LRFN2: variants seen among roughly 807,000 people sequenced by gnomAD.
LRFN2 encodes the protein leucine rich repeat and fibronectin type III domain containing 2.
Under a neutral mutation model 37.3 loss-of-function variants are expected in LRFN2, and 18 were observed. That is an observed-to-expected ratio of 0.48 (90% CI 0.33 to 0.72). The LOEUF is 0.72. Ranked by LOEUF, LRFN2 falls within the 30% of genes least tolerant of loss-of-function variation. The pLI is 0.02. For synonymous variants in LRFN2, 556 were observed against 466.6 expected (o/e 1.19, Z -2.47); for missense variants, 1,006 against 1,060.7 (o/e 0.95, Z 0.72).
chr6:40,476,312 C>G (rs1179393858), intron 1 of LRFN2, among the ~76,000 whole-genome samples: 2 of 152,204 alleles, frequency 1.3e-5, no homozygotes, highest in Non-Finnish European at 2.9e-5. Flanking sequence ...CTCCAAGAAA[C>G]TTTCTTTGAT....
intron 1 of LRFN2, among the ~76,000 whole-genome samples, chr6:40,535,544 G>C (rs1407373768): frequency 1.3e-5 from 2 of 152,146 alleles, no homozygotes; most frequent in Non-Finnish European, 2.9e-5. Context: ...AAATGGCTTT[G>C]ACATGACCCC....
intron 1 of LRFN2, among the ~76,000 whole-genome samples, chr6:40,563,420 G>A (rs1207722951): frequency 2.0e-5 from 3 of 152,132 alleles, no homozygotes; most frequent in African/African-American, 4.8e-5. Context: ...AAAGGCACAG[G>A]GAGCAGCAGC....
intron 1 of LRFN2, among the ~76,000 whole-genome samples, chr6:40,440,087 T>C (rs1210561548): frequency 1.3e-5 from 2 of 150,508 alleles, no homozygotes; most frequent in Non-Finnish European, 3.0e-5. Flanking sequence ...AACTTCTTCA[T>C]AAACCCGATA....
chr6:40,481,483 C>G (rs1355494932), intron 1 of LRFN2, among the ~76,000 whole-genome samples: 1 of 148,362 alleles, frequency 6.7e-6, no homozygotes, highest in Non-Finnish European at 1.5e-5. Context: ...AAAAAGAAAA[C>G]CATTTACTGA....
At chr6:40,403,181 C>G (rs960421383) in intron 2 of LRFN2, among the ~76,000 whole-genome samples, 1 of 152,190 alleles carries the variant, frequency 6.6e-6, no homozygotes, top group South Asian at 2.1e-4. Flanking sequence ...GAGCCGGTGT[C>G]TCATACTTGC....
At position 40,519,221 on chromosome 6, in the gene LRFN2, G is replaced by C. The variant is rs147457746; in HGVS notation, c.-19+67720C>G. The stretch of plus-strand genomic sequence containing the variant: ...GTAATCAATACAATATGTGCTGAGG[G>C]AGTGAATGAATGATTCTAAATCTCA... On this transcript the variant is annotated intron_variant, in intron 1 of 2. Transcript: ENST00000338305. 3.4e-3 allele frequency among the ~76,000 whole-genome samples: 519 copies of C among 152,312 alleles called. 3 individuals carry two copies. Among genetic ancestry groups the C allele is most frequent in the Middle Eastern group, 0.01 (3 of 294 alleles).
At chr6:40,489,467 A>T (rs1445557244) in intron 1 of LRFN2, among the ~76,000 whole-genome samples, 5 of 152,150 alleles carry the variant, frequency 3.3e-5, no homozygotes, top group Admixed American at 3.3e-4. Flanking sequence ...GCTCTCCTCA[A>T]CCCACCTCAG....
chr6:40,524,286 G>C lies in LRFN2; in HGVS notation c.-19+62655C>G, dbSNP rs191057244. ...TTCAGTTATCCCCCTGCCTCTAACA[G>C]GTGTCCCATAACCAGGACAGATCAC... is the stretch of plus-strand genomic sequence containing the variant. On this transcript the variant is annotated intron_variant, in intron 1 of 2. Transcript: ENST00000338305. 2.7e-3 allele frequency among the ~76,000 whole-genome samples: 406 copies of C among 152,246 alleles called. 1 individual carries two copies. Among genetic ancestry groups the C allele is most frequent in the Non-Finnish European group, 2.7e-3 (185 of 68,026 alleles).
intron 1 of LRFN2, among the ~76,000 whole-genome samples, chr6:40,533,408 C>CAT (rs1441686590): frequency 1.3e-5 from 2 of 151,058 alleles, no homozygotes; most frequent in Non-Finnish European, 3.0e-5. Flanking sequence ...CACACACACA[C>CAT]ACACACTTGA....
At chr6:40,421,493 T>C (rs1209555226) in intron 2 of LRFN2, among the ~76,000 whole-genome samples, 1 of 152,162 alleles carries the variant, frequency 6.6e-6, no homozygotes, top group Non-Finnish European at 1.5e-5. Context: ...GATGTTCTGA[T>C]TGGCAATTGG....
intron 1 of LRFN2, among the ~76,000 whole-genome samples, chr6:40,509,747 A>C (rs1003967731): frequency 7.2e-6 from 1 of 139,482 alleles, no homozygotes. Context: ...GCATGCATGC[A>C]GGTATGCCAG....
intron 2 of LRFN2, among the ~76,000 whole-genome samples, chr6:40,409,322 G>A (rs985581): frequency 0.33 from 50,603 of 152,044 alleles, 9,240 homozygotes; most frequent in South Asian, 0.61. Context: ...TTTACTGACT[G>A]TGCCATGCCT....
intron 1 of LRFN2, among the ~76,000 whole-genome samples, chr6:40,469,992 C>T (rs1216168588): frequency 6.6e-6 from 1 of 152,220 alleles, no homozygotes; most frequent in Non-Finnish European, 1.5e-5. Context: ...GAGGGACAGA[C>T]TTGTAACCCG....
At chr6:40,574,939 C>T (rs1448112046) in intron 1 of LRFN2, among the ~76,000 whole-genome samples, 1 of 152,224 alleles carries the variant, frequency 6.6e-6, no homozygotes, top group East Asian at 1.9e-4. Flanking sequence ...TCTCCCAAAA[C>T]ACACTTCGCC....
At position 40,403,073 on chromosome 6, in the gene LRFN2, G is replaced by C. The variant is rs369227047; in HGVS notation, c.1401-10161C>G. 2.0e-5 allele frequency among the ~76,000 whole-genome samples: 3 copies of C among 152,314 alleles called. No homozygotes were observed. In the East Asian group the frequency reaches 5.8e-4, roughly 29 times the overall value. On this transcript the variant is annotated intron_variant, in intron 2 of 2. Transcript: ENST00000338305. ...GTAGATAGGAGCCAGGTTCTTGCAA[G>C]TATGTTCACTCTTTGTTCCAACTCT...
At chr6:40,410,787 G>C (rs971111546) in intron 2 of LRFN2, among the ~76,000 whole-genome samples, 4 of 152,218 alleles carry the variant, frequency 2.6e-5, no homozygotes, top group Admixed American at 6.5e-5. Context: ...AGGGGTTGGG[G>C]TCTCTGCCAG....
chr6:40,557,599 G>T (rs6458162), intron 1 of LRFN2, among the ~76,000 whole-genome samples: 3 of 151,788 alleles, frequency 2.0e-5, no homozygotes, highest in Non-Finnish European at 4.4e-5. Context: ...AGAGTGGGGT[G>T]TGCCCAGGGA....
rs576034598 is a variant in LRFN2 at position 40,478,302 on chromosome 6, A to G, written c.-18-45171T>C. On this transcript the variant is annotated intron_variant, in intron 1 of 2. Coordinates refer to ENST00000338305, the MANE Select transcript of LRFN2 (RefSeq NM_020737.3). ...ATGCTATTATTGGCCCATTTTACAAATTACAAATAGACAAAAAGTGCTAAT... is the reference window on the plus strand; with the variant it reads ...ATGCTATTATTGGCCCATTTTACAAGTTACAAATAGACAAAAAGTGCTAAT... Among the ~76,000 whole-genome samples the G allele has an allele frequency of 3.3e-5, 5 of 152,296 alleles. No individual in the cohort carries two copies. In the South Asian group the frequency reaches 1.0e-3, roughly 32 times the overall value.
At chr6:40,508,269 A>G (rs988457029) in intron 1 of LRFN2, among the ~76,000 whole-genome samples, 10 of 152,220 alleles carry the variant, frequency 6.6e-5, no homozygotes, top group Admixed American at 3.9e-4. Flanking sequence ...TAAGGGGCAG[A>G]TCAGGGCTTT....
Sources: gnomAD v4.1 joint callset for allele counts (sites outside exome capture counted in the v4.1 genomes callset) on GRCh38, gnomAD v4.1.1 for gene constraint, MANE v1.5 for transcripts, NCBI Gene and HGNC (gene_info 2026-07-23, HGNC 2026-07-21) for gene names.